The following KCTD1 variants were observed in gnomAD, a reference collection of about 807,000 sequenced individuals.
KCTD1 encodes the protein BTB/POZ domain-containing protein KCTD1.
A neutral mutation model predicts 66.0 loss-of-function variants in KCTD1; 24 were observed. The ratio of observed to expected loss-of-function variants is 0.36; its 90% CI spans 0.26 to 0.51. KCTD1 has a LOEUF of 0.51. Ranked by LOEUF, KCTD1 falls within the 20% of genes least tolerant of loss-of-function variation. The pLI is 0.95. For missense variants in KCTD1, 943 were observed against 1,205.2 expected (o/e 0.78, Z 3.22); for synonymous variants, 511 against 517.2 (o/e 0.99, Z 0.16).
intron 4 of KCTD1, chr18:26,456,958 C>A (rs1168824027): frequency 4.0e-5 from 6 of 150,294 alleles, no homozygotes; most frequent in Admixed American, 2.7e-4. Flanking sequence ...AAACCCACCT[C>A]AAAAAAACTT....
chr18:26,633,970 C>T (rs900401521), upstream of KCTD1, among the ~76,000 whole-genome samples: 2 of 152,110 alleles, frequency 1.3e-5, no homozygotes, highest in African/African-American at 2.4e-5. Flanking sequence ...ATGCATACAA[C>T]GGACCACTCA....
At chr18:26,513,225 C>G (rs372357045) in intron 1 of KCTD1, among the ~76,000 whole-genome samples, 1 of 151,828 alleles carries the variant, frequency 6.6e-6, no homozygotes, top group East Asian at 2.0e-4. Context: ...GTAGCTGGGA[C>G]TACAGGCGCC....
intron 3 of KCTD1, among the ~76,000 whole-genome samples, chr18:26,472,047 G>A (rs776108975): frequency 6.6e-5 from 10 of 152,086 alleles, no homozygotes; most frequent in African/African-American, 1.7e-4. Context: ...TTCCTGCCTT[G>A]AGCAAGTAGG....
At chr18:26,484,834 AG>A (rs2144628355) in intron 2 of KCTD1, among the ~76,000 whole-genome samples, 1 of 152,300 alleles carries the variant, frequency 6.6e-6, no homozygotes, top group African/African-American at 2.4e-5. Flanking sequence ...AGTAAGGGGA[AG>A]GGCACAGGGG....
intron 1 of KCTD1, among the ~76,000 whole-genome samples, chr18:26,618,752 CCAACTATTTT>C (rs1421490006): frequency 1.3e-5 from 2 of 152,152 alleles, no homozygotes; most frequent in East Asian, 3.8e-4. Flanking sequence ...CAACTGTTTT[CCAACTATTTT>C]CAACTATTTT....
upstream of KCTD1, among the ~76,000 whole-genome samples, chr18:26,644,123 C>T (rs75715517): frequency 0.033 from 5,093 of 152,256 alleles, 120 homozygotes; most frequent in Non-Finnish European, 0.048. Context: ...AGAAAGTACA[C>T]TCTGTGAGAC....
chr18:26,656,156 G>A (rs1988132117), intron 1 of KCTD1, among the ~76,000 whole-genome samples: 1 of 152,324 alleles, frequency 6.6e-6, no homozygotes, highest in East Asian at 1.9e-4. Flanking sequence ...GAGGCCAGAG[G>A]CGGCCGGGAA....
rs888665856 is a variant in KCTD1 at position 26,611,235 on chromosome 18, A to AT, written c.-16+17911dup. On this transcript the variant is annotated intron_variant, in intron 1 of 4. Coordinates refer to the KCTD1 transcript ENST00000317932. ...CACCTGCAATGTCTAATCTTCATCT[A>AT]TTTTTTTTCACTTCAAACATTGAAT... Among the ~76,000 whole-genome samples the AT allele has an allele frequency of 2.7e-4, 41 of 151,094 alleles. No homozygotes were observed. The Middle Eastern group carries it at 0.01, about 38-fold the overall frequency.
At chr18:26,649,690 C>T (rs953446500) in intron 1 of KCTD1, among the ~76,000 whole-genome samples, 9 of 151,950 alleles carry the variant, frequency 5.9e-5, no homozygotes, top group Non-Finnish European at 1.2e-4. Flanking sequence ...TTTGTATTTT[C>T]GTAGAGATGG....
intron 4 of KCTD1, chr18:26,457,727 CACA>C (rs1258949301): frequency 2.0e-5 from 3 of 152,334 alleles, no homozygotes; most frequent in East Asian, 1.9e-4. Flanking sequence ...ACAGTGATCA[CACA>C]ACAACTTAGT....
intron 1 of KCTD1, among the ~76,000 whole-genome samples, chr18:26,537,972 C>A (rs1432875051): frequency 6.6e-6 from 1 of 152,178 alleles, no homozygotes; most frequent in Non-Finnish European, 1.5e-5. Context: ...TCTGGCCGGG[C>A]ATGGTGGCTC....
intron 1 of KCTD1, among the ~76,000 whole-genome samples, chr18:26,606,420 T>C (rs1987016783): frequency 6.6e-6 from 1 of 152,174 alleles, no homozygotes; most frequent in Admixed American, 6.5e-5. Flanking sequence ...TTAGTTTTGG[T>C]TTACACTTTG....
At chr18:26,521,553 T>A (rs1983911076) in intron 1 of KCTD1, among the ~76,000 whole-genome samples, 1 of 152,198 alleles carries the variant, frequency 6.6e-6, no homozygotes, top group African/African-American at 2.4e-5. Flanking sequence ...ACGGGCACAG[T>A]AAGAAAACAA....
chr18:26,567,481 T>G (rs1838779811), intron 1 of KCTD1, among the ~76,000 whole-genome samples: 1 of 54,654 alleles, frequency 1.8e-5, no homozygotes, highest in African/African-American at 4.8e-5. Flanking sequence ...GTTGTTCTGT[T>G]GTTGTTGTTT....
upstream of KCTD1, among the ~76,000 whole-genome samples, chr18:26,644,634 T>G (rs987230536): frequency 2.0e-5 from 3 of 152,054 alleles, no homozygotes; most frequent in African/African-American, 7.2e-5. Context: ...GGTGGACATT[T>G]GTAATCCCAG....
At chr18:26,464,785 G>A (rs1443972257) in intron 3 of KCTD1, among the ~76,000 whole-genome samples, 1 of 152,156 alleles carries the variant, frequency 6.6e-6, no homozygotes, top group Non-Finnish European at 1.5e-5. Context: ...TCCTGCTCTT[G>A]GGACCCTCGG....
Position 26,652,826 on chromosome 18 carries a change from C to G in KCTD1, c.9+4534G>C, listed in dbSNP as rs766307024. ...ATGAGGCTTCTCACTGCTACTTAAT[C>G]TGGCTATTAGAAATGACGTGAAAGA... On this transcript the variant is annotated intron_variant, in intron 1 of 4. Transcript: ENST00000580191. Among the ~76,000 whole-genome samples, 46 of 152,200 alleles carry G rather than the reference C, an allele frequency of 3.0e-4. 1 individual carries two copies. The highest frequency in any genetic ancestry group is 1.3e-4 in the Non-Finnish European group (9 of 68,028).
intron 2 of KCTD1, among the ~76,000 whole-genome samples, chr18:26,493,790 T>C (rs530471514): frequency 6.6e-6 from 1 of 152,292 alleles, no homozygotes; most frequent in East Asian, 1.9e-4. Flanking sequence ...AAATACTAGG[T>C]CTTACTCGTT....
intron 1 of KCTD1, among the ~76,000 whole-genome samples, chr18:26,527,977 C>G (rs1355723626): frequency 1.3e-5 from 2 of 152,180 alleles, no homozygotes; most frequent in Non-Finnish European, 2.9e-5. Context: ...TAGAAACTCT[C>G]TCTGCATACA....
Sources: gnomAD v4.1 joint callset for allele counts (sites outside exome capture counted in the v4.1 genomes callset) on GRCh38, gnomAD v4.1.1 for gene constraint, MANE v1.5 for transcripts, NCBI Gene and HGNC (gene_info 2026-07-23, HGNC 2026-07-21) for gene names.